The following C22orf23 variants were observed in gnomAD, a reference collection of about 807,000 sequenced individuals.
C22orf23 encodes the protein chromosome 22 open reading frame 23.
In C22orf23, 30 loss-of-function variants were observed where a neutral mutation model predicts 29.7. The observed-to-expected ratio is 1.01, with a 90% confidence interval of 0.76 to 1.37. C22orf23 has a LOEUF of 1.37. Ranked by LOEUF, C22orf23 falls within the 40% of genes most tolerant of loss-of-function variation. The pLI, the probability that C22orf23 is intolerant of heterozygous loss-of-function variation, is 0.00. For synonymous variants in C22orf23, 90 were observed against 96.1 expected (o/e 0.94, Z 0.37); for missense variants, 237 against 273.1 (o/e 0.87, Z 0.93).
intron 3 of C22orf23, among the ~76,000 whole-genome samples, chr22:37,950,749 A>G (rs1295197854): frequency 6.6e-6 from 1 of 151,836 alleles, no homozygotes; most frequent in Non-Finnish European, 1.5e-5. Flanking sequence ...TACTAAAAAT[A>G]CAAAAATTAA....
chr22:37,944,327 C>G (rs1046527405), intron 6 of C22orf23, 81 bp from the exon 7 acceptor site: 57 of 1,613,296 alleles, frequency 3.5e-5, no homozygotes, highest in Non-Finnish European at 2.8e-5. Context: ...AGAGCCTGAC[C>G]CCTGAACCCT....
chr22:37,944,318 G>GA, intron 6 of C22orf23, 72 bp from the exon 7 acceptor site: 1 of 1,613,660 alleles, frequency 6.2e-7, no homozygotes, highest in Non-Finnish European at 8.5e-7. Context: ...CAGTGAGCTA[G>GA]AGCCTGACCC....
chr22:37,947,502 CTTTTTTTTTTTT>C lies in C22orf23; in HGVS notation c.167-51_167-40del, dbSNP rs11359710. Reference sequence around the variant, plus strand: ...AGTTGGGGTGGGAGGACCCACATGGCTTTTTTTTTTTTTTTTTTTTTTTTTTGAGTCTGAGTC... The same window carrying C: ...AGTTGGGGTGGGAGGACCCACATGGCTTTTTTTTTTTTTTGAGTCTGAGTC... On this transcript the variant is annotated intron_variant, in intron 3 of 6. Coordinates refer to ENST00000403305, the MANE Select transcript of C22orf23 (RefSeq NM_032561.5). 6.3e-4 allele frequency: 201 copies of C among 321,282 alleles called. 1 individual carries two copies. Among genetic ancestry groups the C allele is most frequent in the East Asian group, 1.2e-3 (8 of 6,858 alleles). 19.9% of individuals were successfully genotyped at this position (321,282 alleles called of 1,614,324 possible).
In C22orf23 at chr22:37,943,723, T is replaced by G; in HGVS notation, c.*452A>C. 1 of 181,866 alleles carries G rather than the reference T, an allele frequency of 5.5e-6. No homozygotes were observed. Among genetic ancestry groups the G allele is most frequent in the East Asian group, 1.3e-4 (1 of 7,488 alleles). The allele number at this position is 181,866 out of a possible 1,614,324, so 11.3% of individuals were successfully genotyped here. ...TATCCCTCTGAAAACAAAATGGTGCTTGTAATGACCCACGTTAAATATGTT... is the reference window on the plus strand; with the variant it reads ...TATCCCTCTGAAAACAAAATGGTGCGTGTAATGACCCACGTTAAATATGTT... On this transcript the variant is annotated 3_prime_UTR_variant, in exon 7 of 7. Coordinates refer to ENST00000403305, the MANE Select transcript of C22orf23 (RefSeq NM_032561.5).
intron 3 of C22orf23, among the ~76,000 whole-genome samples, chr22:37,948,229 C>G (rs1458823645): frequency 1.3e-5 from 2 of 152,152 alleles, no homozygotes; most frequent in African/African-American, 4.8e-5. Flanking sequence ...GGGCAGATCA[C>G]TGGAGGTCAG....
chr22:37,947,780 T>C (rs1216995681), intron 3 of C22orf23, among the ~76,000 whole-genome samples: 1 of 150,750 alleles, frequency 6.6e-6, no homozygotes, highest in East Asian at 2.0e-4. Context: ...GCTAGGATTA[T>C]AGGCATGAGC....
intron 4 of C22orf23, 104 bp from the exon 5 acceptor site, chr22:37,945,277 C>T: frequency 2.9e-6 from 4 of 1,402,650 alleles, no homozygotes; most frequent in Non-Finnish European, 3.9e-6. Context: ...CCTGGTCATG[C>T]AGACAGGGCT....
intron 4 of C22orf23, among the ~76,000 whole-genome samples, chr22:37,945,877 G>A (rs1207327631): frequency 6.6e-6 from 1 of 151,346 alleles, no homozygotes; most frequent in Non-Finnish European, 1.5e-5. Context: ...ACTTTGGGAG[G>A]CTGAGGCAGG....
rs1416492044 is a variant in C22orf23 at position 37,943,107 on chromosome 22, G to C, written c.*1068C>G. 1 of 152,038 alleles carries C rather than the reference G, an allele frequency of 6.6e-6. No homozygotes were observed. Among genetic ancestry groups the C allele is most frequent in the African/African-American group, 2.4e-5 (1 of 41,396 alleles). The allele number at this position is 152,038 out of a possible 1,614,324, so 9.4% of individuals were successfully genotyped here. ...TGATGGGATTATGGGACTCCCTCCAGGTGCCCGAGACAAGGTTGATATTTC... is the reference window on the plus strand; with the variant it reads ...TGATGGGATTATGGGACTCCCTCCACGTGCCCGAGACAAGGTTGATATTTC... On this transcript the variant is annotated 3_prime_UTR_variant, in exon 7 of 7. Transcript: ENST00000403305.
At chr22:37,951,318 T>G in intron 3 of C22orf23, 142 bp downstream of exon 3, 2 of 711,528 alleles carry the variant, frequency 2.8e-6, no homozygotes, top group Non-Finnish European at 2.4e-6. Flanking sequence ...AGCCTCCCAG[T>G]GTTGGAATTA....
intron 3 of C22orf23, among the ~76,000 whole-genome samples, chr22:37,949,849 A>G (rs1469251305): frequency 6.6e-6 from 1 of 152,050 alleles, no homozygotes; most frequent in Non-Finnish European, 1.5e-5. Flanking sequence ...GGTCAGAAGT[A>G]TTAATTTTTT....
intron 3 of C22orf23, 39 bp from the exon 4 acceptor site, chr22:37,947,502 CTTTTTTTTTTTTTT>C: frequency 1.9e-5 from 6 of 321,130 alleles, no homozygotes; most frequent in East Asian, 1.5e-4. Flanking sequence ...ACCCACATGG[CTTTTTTTTTTTTTT>C]TTTTTTTTTT....
upstream of C22orf23, chr22:37,953,638 T>TC (rs995201170): frequency 1.1e-6 from 1 of 935,222 alleles, no homozygotes. Context: ...ATGCGCACTT[T>TC]CCCCGCTCTG....
In C22orf23 at chr22:37,944,103, A is replaced by T; in HGVS notation, c.*72T>A. On this transcript the variant is annotated 3_prime_UTR_variant, in exon 7 of 7. Transcript: ENST00000403305. ...GCTGGTAGGATGGGCTGGCCTGAGG[A>T]TGGCCCTGCCTGGCAGAGGAGTGGA... is the stretch of plus-strand genomic sequence containing the variant. The T allele has an allele frequency of 7.1e-7, 1 of 1,410,856 alleles. No individual in the cohort carries two copies. Among genetic ancestry groups the T allele is most frequent in the Non-Finnish European group, 1.0e-6 (1 of 994,568 alleles). 87.4% of individuals were successfully genotyped at this position (1,410,856 alleles called of 1,614,324 possible). A position where few individuals can be genotyped will look rare whatever the true frequency, so the allele number is the denominator to read the frequency against.
intron 6 of C22orf23, 36 bp from the exon 7 acceptor site, chr22:37,944,282 G>A (rs1396396487): frequency 6.2e-7 from 1 of 1,614,076 alleles, no homozygotes; most frequent in Non-Finnish European, 8.5e-7. Context: ...GTGTATCAGG[G>A]CTAGGAACCT....
At chr22:37,952,776 G>GGTGA (rs2145718462) in intron 2 of C22orf23, 1 of 377,562 alleles carries the variant, frequency 2.6e-6, no homozygotes, top group East Asian at 5.7e-5. Flanking sequence ...CACAGCAGGA[G>GGTGA]GTGAGCGGCA....
chr22:37,946,650 T>C (rs1330449835), intron 4 of C22orf23, among the ~76,000 whole-genome samples: 1 of 142,988 alleles, frequency 7.0e-6, no homozygotes, highest in Non-Finnish European at 1.5e-5. Flanking sequence ...GAGGCCAGGG[T>C]GGGCGGATCA....
intron 3 of C22orf23, among the ~76,000 whole-genome samples, chr22:37,947,812 A>T (rs889734934): frequency 2.0e-5 from 3 of 149,918 alleles, no homozygotes; most frequent in Non-Finnish European, 4.4e-5. Context: ...GCCACTTTTT[A>T]AAAATAAAAG....
rs1931210521 is a variant in C22orf23, at chr22:37,953,595, C to T, written c.-157G>A. Reference sequence around the variant, plus strand: ...TGGAGCTGGCAGCTAGCGCCTCTCGCTACTATAGAAACGCGCACACACCAG... The same window carrying T: ...TGGAGCTGGCAGCTAGCGCCTCTCGTTACTATAGAAACGCGCACACACCAG... On this transcript the variant is annotated 5_prime_UTR_variant, in exon 1 of 7. Transcript: ENST00000403305. 1.5e-6 allele frequency: 1 copy of T among 650,350 alleles called. No individual in the cohort carries two copies. Among genetic ancestry groups the T allele is most frequent in the Non-Finnish European group, 2.6e-6 (1 of 391,734 alleles). 40.3% of individuals were successfully genotyped at this position (650,350 alleles called of 1,614,324 possible).
Sources: gnomAD v4.1 joint callset for allele counts (sites outside exome capture counted in the v4.1 genomes callset) on GRCh38, gnomAD v4.1.1 for gene constraint, MANE v1.5 for transcripts, NCBI Gene and HGNC (gene_info 2026-07-23, HGNC 2026-07-21) for gene names.